SNTG1: variants seen among roughly 807,000 people sequenced by gnomAD.
SNTG1 encodes gamma-1-syntrophin.
A neutral mutation model predicts 74.7 loss-of-function variants in SNTG1; 39 were observed. The ratio of observed to expected loss-of-function variants is 0.52; its 90% confidence interval spans 0.40 to 0.68. The LOEUF is 0.68. SNTG1 is among the 30% of genes least tolerant of loss of function. The pLI is 0.00. For synonymous variants in SNTG1, 254 were observed against 217.1 expected (o/e 1.17, Z -1.49); for missense variants, 685 against 609.5 (o/e 1.12, Z -1.30).
chr8:50,152,038 G>C (rs1259094144), intron 1 of SNTG1, among the ~76,000 whole-genome samples: 1 of 152,034 alleles, frequency 6.6e-6, no homozygotes, highest in Non-Finnish European at 1.5e-5. Context: ...TTATTGTGTG[G>C]GAGTCTAAGT....
At chr8:50,776,996 G>C (rs1011975417) in intron 18 of SNTG1, among the ~76,000 whole-genome samples, 2 of 151,752 alleles carry the variant, frequency 1.3e-5, no homozygotes, top group South Asian at 4.1e-4. Flanking sequence ...TTTCTCTCTT[G>C]CTGCTCTCAA....
intron 5 of SNTG1, among the ~76,000 whole-genome samples, chr8:50,441,882 C>T (rs1027061053): frequency 7.2e-5 from 11 of 152,082 alleles, no homozygotes; most frequent in African/African-American, 2.7e-4. Flanking sequence ...ACTTATTTGT[C>T]CTTTAGATTC....
chr8:50,171,053 A>G (rs1283004340), intron 1 of SNTG1, among the ~76,000 whole-genome samples: 2 of 152,086 alleles, frequency 1.3e-5, no homozygotes, highest in Admixed American at 1.3e-4. Context: ...GACAGCTACA[A>G]AATCCTTCCA....
intron 11 of SNTG1, among the ~76,000 whole-genome samples, chr8:50,541,819 C>T (rs1310271977): frequency 6.6e-6 from 1 of 151,798 alleles, no homozygotes; most frequent in East Asian, 1.9e-4. Context: ...TTCTCTCTCT[C>T]TTCTAACTTT....
intron 14 of SNTG1, among the ~76,000 whole-genome samples, chr8:50,657,712 C>T (rs1035798470): frequency 4.6e-5 from 7 of 151,926 alleles, no homozygotes; most frequent in African/African-American, 1.4e-4. Flanking sequence ...TATGACAAGT[C>T]GAACTTGCTT....
intron 2 of SNTG1, among the ~76,000 whole-genome samples, chr8:50,306,052 C>G (rs1359147669): frequency 6.7e-6 from 1 of 149,956 alleles, no homozygotes; most frequent in Non-Finnish European, 1.5e-5. Context: ...CCCCTCCCAC[C>G]CTCCCCCTTC....
At chr8:50,129,661 A>T (rs540666358) in intron 1 of SNTG1, among the ~76,000 whole-genome samples, 64 of 152,134 alleles carry the variant, frequency 4.2e-4, no homozygotes, top group Non-Finnish European at 8.2e-4. Context: ...AACCATCCTC[A>T]TATCACACAT....
At chr8:50,561,823 T>C (rs2094490059) in intron 12 of SNTG1, among the ~76,000 whole-genome samples, 1 of 152,160 alleles carries the variant, frequency 6.6e-6, no homozygotes. Context: ...AAGCGACATT[T>C]CCCATTGAAC....
chr8:50,015,864 C>T (rs904444644), intron 1 of SNTG1, among the ~76,000 whole-genome samples: 38 of 152,176 alleles, frequency 2.5e-4, no homozygotes, highest in Admixed American at 2.1e-3. Context: ...AAGTTGTAGT[C>T]GGTTGGCAAG....
chr8:50,070,882 G>C (rs1256092966), intron 1 of SNTG1, among the ~76,000 whole-genome samples: 1 of 152,240 alleles, frequency 6.6e-6, no homozygotes, highest in African/African-American at 2.4e-5. Context: ...AAGGTGCCCT[G>C]TTGGGGACGG....
chr8:50,783,003 G>T (rs1423983247), intron 18 of SNTG1, among the ~76,000 whole-genome samples: 1 of 152,162 alleles, frequency 6.6e-6, no homozygotes, highest in African/African-American at 2.4e-5. Flanking sequence ...CAGCAGCGGT[G>T]GCTGCAGAAG....
intron 12 of SNTG1, among the ~76,000 whole-genome samples, chr8:50,559,677 T>C (rs529470657): frequency 3.2e-4 from 48 of 152,080 alleles, no homozygotes; most frequent in Non-Finnish European, 6.8e-4. Context: ...TAACCATTTC[T>C]GGAAATTGAA....
chr8:49,997,620 G>A (rs983278052), intron 1 of SNTG1, among the ~76,000 whole-genome samples: 1 of 152,100 alleles, frequency 6.6e-6, no homozygotes, highest in Non-Finnish European at 1.5e-5. Context: ...TTAGCAATGA[G>A]TATATTTGTC....
chr8:50,435,771 A>G (rs566891965), intron 4 of SNTG1, among the ~76,000 whole-genome samples: 2 of 152,140 alleles, frequency 1.3e-5, no homozygotes, highest in Non-Finnish European at 2.9e-5. Flanking sequence ...GTGTTTAATA[A>G]AACATTAAGA....
At chr8:50,768,178 G>T (rs917907706) in intron 18 of SNTG1, among the ~76,000 whole-genome samples, 5 of 151,876 alleles carry the variant, frequency 3.3e-5, no homozygotes, top group African/African-American at 7.2e-5. Flanking sequence ...CATCATAAGA[G>T]AAATTTTCAA....
intron 1 of SNTG1, among the ~76,000 whole-genome samples, chr8:50,120,922 C>T (rs1474718664): frequency 7.0e-6 from 1 of 142,148 alleles, no homozygotes; most frequent in Non-Finnish European, 1.6e-5. Flanking sequence ...ATCCTCTCTA[C>T]ATGTCTGGTT....
At chr8:50,582,807 T>A (rs1483558939) in intron 12 of SNTG1, among the ~76,000 whole-genome samples, 9 of 152,148 alleles carry the variant, frequency 5.9e-5, no homozygotes, top group Admixed American at 3.9e-4. Flanking sequence ...CATTTTTAAC[T>A]TTCTGTTCTA....
intron 1 of SNTG1, among the ~76,000 whole-genome samples, chr8:50,054,632 G>A (rs568046605): frequency 4.6e-5 from 7 of 152,058 alleles, no homozygotes; most frequent in African/African-American, 7.2e-5. Flanking sequence ...CCTGGTGATC[G>A]AATAACCTGC....
intron 4 of SNTG1, among the ~76,000 whole-genome samples, chr8:50,419,213 G>A (rs996082196): frequency 5.9e-5 from 9 of 152,078 alleles, no homozygotes; most frequent in Non-Finnish European, 1.0e-4. Context: ...AAAAAAATGG[G>A]CAGCTTAACA....
Sources: gnomAD v4.1 joint callset for allele counts (sites outside exome capture counted in the v4.1 genomes callset) on GRCh38, gnomAD v4.1.1 for gene constraint, MANE v1.5 for transcripts, NCBI Gene and HGNC (gene_info 2026-07-23, HGNC 2026-07-21) for gene names.